The following LARGE1 variants were observed in gnomAD, a reference collection of about 807,000 sequenced individuals.
LARGE1 encodes xylosyl- and glucuronyltransferase LARGE1.
Under a neutral mutation model 87.6 loss-of-function variants are expected in LARGE1, and 43 were observed. The ratio of observed to expected loss-of-function variants is 0.49; its 90% CI spans 0.38 to 0.63. LARGE1 has a LOEUF of 0.63. LARGE1 is among the 30% of genes least tolerant of loss of function. LARGE1 has a pLI of 0.00. For missense variants in LARGE1, 802 were observed against 1,000.2 expected (o/e 0.80, Z 2.67); for synonymous variants, 434 against 394.6 (o/e 1.10, Z -1.18).
At chr22:33,349,036 G>C (rs567126428) in intron 9 of LARGE1, among the ~76,000 whole-genome samples, 1 of 152,224 alleles carries the variant, frequency 6.6e-6, no homozygotes, top group East Asian at 1.9e-4. Context: ...CCATGATTGT[G>C]AGGCCTCCAC....
intron 2 of LARGE1, among the ~76,000 whole-genome samples, chr22:33,752,787 C>T (rs918283642): frequency 2.6e-5 from 4 of 152,184 alleles, no homozygotes; most frequent in Admixed American, 1.3e-4. Context: ...AAAATGACCC[C>T]CCAAAAGATG....
intron 10 of LARGE1, among the ~76,000 whole-genome samples, chr22:33,317,599 C>G (rs76679374): frequency 0.049 from 7,431 of 152,220 alleles, 328 homozygotes; most frequent in African/African-American, 0.13. Context: ...AGCAGGCACA[C>G]CTGCTGACAG....
intron 7 of LARGE1, among the ~76,000 whole-genome samples, chr22:33,416,334 C>T (rs865830065): frequency 2.7e-4 from 41 of 152,150 alleles, no homozygotes; most frequent in African/African-American, 9.7e-4. Context: ...GCTTGCTGCT[C>T]TGTTGAACAG....
intron 7 of LARGE1, among the ~76,000 whole-genome samples, chr22:33,424,122 A>G (rs955908533): frequency 6.6e-6 from 1 of 152,212 alleles, no homozygotes; most frequent in African/African-American, 2.4e-5. Flanking sequence ...GCATGTTTAA[A>G]AGAACAGTCA....
chr22:33,828,555 T>C (rs1162622458), intron 1 of LARGE1, among the ~76,000 whole-genome samples: 1 of 152,226 alleles, frequency 6.6e-6, no homozygotes, highest in African/African-American at 2.4e-5. Flanking sequence ...GGCTCTTCTT[T>C]GAAGCCTAGT....
intron 2 of LARGE1, among the ~76,000 whole-genome samples, chr22:33,657,637 G>A (rs2081004550): frequency 6.6e-6 from 1 of 152,064 alleles, no homozygotes; most frequent in South Asian, 2.1e-4. Context: ...TATGGATCCT[G>A]TCCTAGAACA....
At chr22:33,818,781 G>A (rs1299324190) in intron 1 of LARGE1, among the ~76,000 whole-genome samples, 1 of 152,144 alleles carries the variant, frequency 6.6e-6, no homozygotes, top group Admixed American at 6.6e-5. Context: ...AGACACCCAA[G>A]GACCAGGGAG....
At chr22:33,492,321 C>T (rs916403076) in intron 6 of LARGE1, among the ~76,000 whole-genome samples, 7 of 152,302 alleles carry the variant, frequency 4.6e-5, no homozygotes, top group Admixed American at 2.6e-4. Flanking sequence ...GATTCTCTGA[C>T]GTCTGCTCTG....
chr22:33,755,216 C>T (rs1236045507), intron 2 of LARGE1, among the ~76,000 whole-genome samples: 1 of 152,168 alleles, frequency 6.6e-6, no homozygotes, highest in East Asian at 1.9e-4. Context: ...GGAACTCAGG[C>T]TTTAGGAATG....
rs527916412 is a variant in LARGE1, at chr22:33,751,949, A to G, written c.106+9422T>C. On this transcript the variant is annotated intron_variant, in intron 2 of 14. Transcript: ENST00000397394. ...TACCTAATTACTACCAAGCCCAGCT[A>G]TTTTGTATTTTTAGTAGAGATGGGG... Among the ~76,000 whole-genome samples the G allele has an allele frequency of 2.7e-4, 41 of 152,006 alleles. No individual in the cohort carries two copies. The South Asian group carries it at 8.3e-3, about 31-fold the overall frequency.
At chr22:33,815,722 G>C (rs767781323) in intron 1 of LARGE1, among the ~76,000 whole-genome samples, 8 of 152,210 alleles carry the variant, frequency 5.3e-5, no homozygotes, top group Admixed American at 6.5e-5. Flanking sequence ...ATTGTAGCAA[G>C]GATCTGAACT....
At chr22:33,587,507 T>A in intron 5 of LARGE1, among the ~76,000 whole-genome samples, 1 of 152,168 alleles carries the variant, frequency 6.6e-6, no homozygotes, top group East Asian at 1.9e-4. Context: ...TTTTTACCAT[T>A]TGCATTTTTT....
At chr22:33,789,844 C>T (rs774344830) in intron 1 of LARGE1, among the ~76,000 whole-genome samples, 1 of 152,152 alleles carries the variant, frequency 6.6e-6, no homozygotes, top group Admixed American at 6.5e-5. Context: ...AAGTAACTAA[C>T]TTGCTTTTGA....
At chr22:33,693,606 C>G (rs2082160757) in intron 2 of LARGE1, among the ~76,000 whole-genome samples, 1 of 152,026 alleles carries the variant, frequency 6.6e-6, no homozygotes, top group South Asian at 2.1e-4. Context: ...GGGCGGATCA[C>G]AAGGTCAGGA....
intron 1 of LARGE1, among the ~76,000 whole-genome samples, chr22:33,860,119 A>G (rs181354833): frequency 2.6e-5 from 4 of 152,204 alleles, no homozygotes; most frequent in Non-Finnish European, 4.4e-5. Flanking sequence ...TCTTATGTGT[A>G]TTTTACAATT....
chr22:33,091,391 T>C, the LARGE1 span, among the ~76,000 whole-genome samples: 1 of 152,056 alleles, frequency 6.6e-6, no homozygotes, highest in African/African-American at 2.4e-5. Flanking sequence ...TGAAACCTTG[T>C]CTTTACTAAA....
intron 2 of LARGE1, among the ~76,000 whole-genome samples, chr22:33,715,477 C>G (rs2082881580): frequency 6.6e-6 from 1 of 152,136 alleles, no homozygotes. Flanking sequence ...GCACTCTCAT[C>G]CCCCCACTGC....
At chr22:33,751,856 C>T (rs913760799) in intron 2 of LARGE1, among the ~76,000 whole-genome samples, 1 of 151,978 alleles carries the variant, frequency 6.6e-6, no homozygotes, top group African/African-American at 2.4e-5. Flanking sequence ...GAACATTCGC[C>T]TCCAGGGTTC....
chr22:33,123,946 C>T, the LARGE1 span, among the ~76,000 whole-genome samples: 1 of 152,138 alleles, frequency 6.6e-6, no homozygotes, highest in Non-Finnish European at 1.5e-5. Context: ...TCAGGCGGTG[C>T]TCTGGCCACT....
Sources: allele counts gnomAD v4.1 joint callset (sites outside exome capture counted in the v4.1 genomes callset), GRCh38; gene constraint gnomAD v4.1.1; transcripts MANE v1.5; gene names NCBI Gene and HGNC (gene_info 2026-07-23, HGNC 2026-07-21).